The following GDPD4 variants were observed in gnomAD, a reference collection of about 807,000 sequenced individuals.
The protein encoded by GDPD4 is glycerophosphodiester phosphodiesterase domain containing 4.
Under a neutral mutation model 67.8 loss-of-function variants are expected in GDPD4, and 60 were observed. That is an observed-to-expected ratio of 0.88 (90% CI 0.72 to 1.10). The LOEUF (loss-of-function observed/expected upper bound fraction) is 1.10, where lower values mean the gene tolerates loss of function less well. Among genes scored for constraint, GDPD4 ranks in the 50% least tolerant of loss-of-function variants. The pLI, the probability that GDPD4 is intolerant of heterozygous loss-of-function variation, is 0.00. For missense variants in GDPD4, 623 were observed against 613.9 expected, an observed-to-expected ratio of 1.01 and a Z score of -0.16; for synonymous variants, 212 against 210.9, an observed-to-expected ratio of 1.00 and a Z score of -0.04.
In GDPD4 at chr11:77,225,540, A is replaced by G. The variant is rs115286774; in HGVS notation, c.1525+2324T>C. On this transcript the variant is annotated intron_variant, in intron 16 of 16. Coordinates refer to ENST00000315938, the MANE Select transcript of GDPD4 (RefSeq NM_182833.3). ...GCACGCACACGCACGAAGTTAAGCC[A>G]TAATCAAACTACTAAAAACCAATAA... 8.4e-3 allele frequency among the ~76,000 whole-genome samples: 1,284 copies of G among 152,306 alleles called. 29 individuals are homozygous for G. Among genetic ancestry groups the G allele is most frequent in the African/African-American group, 0.029 (1,222 of 41,542 alleles).
In GDPD4 at chr11:77,243,618, TAAG is replaced by T. The variant is rs536496812; in HGVS notation, c.1241+73_1241+75del. 165 of 1,246,920 alleles carry T rather than the reference TAAG, an allele frequency of 1.3e-4. 1 individual carries two copies. The African/African-American group carries it at 2.4e-3, about 18-fold the overall frequency. 77.2% of individuals were successfully genotyped at this position (1,246,920 alleles called of 1,614,324 possible). ...AAATTCCGAGATGGAAAGGGGAAGT[TAAG>T]AAGTTTAATTAGAATGTGTATTTTG... On this transcript the variant is annotated intron_variant, in intron 13 of 16. Coordinates refer to ENST00000315938, the MANE Select transcript of GDPD4 (RefSeq NM_182833.3).
chr11:77,235,975 A>C (rs1958557485), intron 13 of GDPD4, among the ~76,000 whole-genome samples: 1 of 149,486 alleles, frequency 6.7e-6, no homozygotes, highest in South Asian at 2.1e-4. Flanking sequence ...CAAAAAAAAA[A>C]CAAAAAAAAA....
At chr11:77,227,325 T>G (rs1353859550) in intron 16 of GDPD4, among the ~76,000 whole-genome samples, 3 of 152,228 alleles carry the variant, frequency 2.0e-5, no homozygotes, top group Admixed American at 2.0e-4. Context: ...CCAGGACCGC[T>G]GAAGTTTTCT....
chr11:77,297,178 T>C (rs1190462712), intron 1 of GDPD4, among the ~76,000 whole-genome samples: 3 of 152,038 alleles, frequency 2.0e-5, no homozygotes, highest in South Asian at 2.1e-4. Context: ...AAAGCAAATA[T>C]TGGAAGATGT....
intron 1 of GDPD4, among the ~76,000 whole-genome samples, chr11:77,301,262 T>C (rs1325799444): frequency 6.6e-6 from 1 of 152,004 alleles, no homozygotes; most frequent in African/African-American, 2.4e-5. Context: ...TAAAATCGAT[T>C]CCTCCTGCAA....
At position 77,285,168 on chromosome 11, in the gene GDPD4, C is replaced by T. The variant is rs756937477; in HGVS notation, c.-31G>A. 1.3e-5 allele frequency: 20 copies of T among 1,568,506 alleles called. No homozygotes were observed. Among genetic ancestry groups the T allele is most frequent in the African/African-American group, 5.4e-5 (4 of 73,762 alleles). On this transcript the variant is annotated 5_prime_UTR_variant, in exon 3 of 17. In the 5' UTR this introduces an upstream ATG that the reference lacks. Transcript: ENST00000315938. ...ACAAGACAAATGAAATTACCAGGCACGGCAAAATAATTGCTCTTTCTGGGA... is the reference window on the plus strand; with the variant it reads ...ACAAGACAAATGAAATTACCAGGCATGGCAAAATAATTGCTCTTTCTGGGA...
At chr11:77,245,965 T>A (rs548890811) in intron 11 of GDPD4, among the ~76,000 whole-genome samples, 1 of 152,316 alleles carries the variant, frequency 6.6e-6, no homozygotes, top group Non-Finnish European at 1.5e-5. Context: ...AAATGCTATT[T>A]CCCTCATGAA....
intron 10 of GDPD4, among the ~76,000 whole-genome samples, chr11:77,260,098 C>T (rs112912220): frequency 0.013 from 1,911 of 151,984 alleles, 21 homozygotes; most frequent in Non-Finnish European, 0.014. Flanking sequence ...ATCATGAGGT[C>T]GAGATCAAGA....
At chr11:77,235,009 G>GTTTTTTGTTTTTTTTTT (rs1958524952) in intron 13 of GDPD4, among the ~76,000 whole-genome samples, 4 of 52,254 alleles carry the variant, frequency 7.7e-5, no homozygotes, top group Admixed American at 2.7e-4. Context: ...GTCAATATCT[G>GTTTTTTGTTTTTTTTTT]TTTTTTTTTT....
chr11:77,252,042 T>TTTTG (rs763642093), intron 11 of GDPD4, among the ~76,000 whole-genome samples: 2 of 91,294 alleles, frequency 2.2e-5, no homozygotes, highest in African/African-American at 8.9e-5. Context: ...ATTTGGGTTT[T>TTTTG]TTTGTTTGTT....
At chr11:77,297,972 G>A (rs1938031641) in intron 1 of GDPD4, among the ~76,000 whole-genome samples, 1 of 151,966 alleles carries the variant, frequency 6.6e-6, no homozygotes, top group Non-Finnish European at 1.5e-5. Flanking sequence ...CAATACACTA[G>A]GCAGCATGGA....
chr11:77,278,556 ATAATGAT>A (rs1294972755), intron 4 of GDPD4, among the ~76,000 whole-genome samples: 1 of 152,250 alleles, frequency 6.6e-6, no homozygotes, highest in Non-Finnish European at 1.5e-5. Context: ...TTCTGCTCAT[ATAATGAT>A]TAATAAGTTT....
At chr11:77,292,599 A>G (rs1382838407) in intron 1 of GDPD4, among the ~76,000 whole-genome samples, 2 of 152,192 alleles carry the variant, frequency 1.3e-5, no homozygotes, top group African/African-American at 2.4e-5. Context: ...ATTAGGAATA[A>G]TAACAATGGA....
At chr11:77,248,804 C>T (rs1161885094) in intron 11 of GDPD4, among the ~76,000 whole-genome samples, 2 of 151,550 alleles carry the variant, frequency 1.3e-5, no homozygotes, top group African/African-American at 2.4e-5. Flanking sequence ...TCACTACAAC[C>T]TCCACCTCCC....
chr11:77,224,683 G>A (rs1406057661), intron 16 of GDPD4, among the ~76,000 whole-genome samples: 1 of 152,192 alleles, frequency 6.6e-6, no homozygotes, highest in Non-Finnish European at 1.5e-5. Flanking sequence ...AAATAAGATT[G>A]TAGCCCCAAT....
chr11:77,294,319 C>A (rs1937878928), intron 1 of GDPD4, among the ~76,000 whole-genome samples: 1 of 152,112 alleles, frequency 6.6e-6, no homozygotes, highest in African/African-American at 2.4e-5. Context: ...TTCTGTAAAT[C>A]TAAAATTATT....
At chr11:77,229,344 A>G in intron 14 of GDPD4, 112 bp from the exon 15 acceptor site, 1 of 633,920 alleles carries the variant, frequency 1.6e-6, no homozygotes, top group South Asian at 2.3e-5. Flanking sequence ...GGAAGAGGGG[A>G]TAGACAGGCC....
chr11:77,243,841 CA>C lies in GDPD4; in HGVS notation c.1093del (p.Trp365GlyfsTer23), dbSNP rs1441359221. On this transcript the variant is annotated frameshift_variant, in exon 13 of 17. Coordinates refer to ENST00000315938, the MANE Select transcript of GDPD4 (RefSeq NM_182833.3). LOFTEE classifies it high-confidence loss of function. ...ASKIEQHLIFWLPAHDRQYVR... is the reference protein window; with the variant it reads ...ASKIEQHLIFXLPAHDRQYVR... Reference sequence around the variant, plus strand: ...GTATTGCCTATCATGAGCTGGCAACCAAAAAATCTCTAAGGAGAAACAAGAA... The same window carrying C: ...GTATTGCCTATCATGAGCTGGCAACCAAAAATCTCTAAGGAGAAACAAGAA... 2 of 1,610,318 alleles carry C rather than the reference CA, an allele frequency of 1.2e-6. No individual in the cohort carries two copies. The highest frequency in any genetic ancestry group is 1.7e-6 in the Non-Finnish European group (2 of 1,178,370).
rs1958129728 is a variant in GDPD4 at position 77,216,840 on chromosome 11, T to C, written c.*437A>G. 1.6e-6 allele frequency: 1 copy of C among 625,780 alleles called. No homozygotes were observed. The allele number at this position is 625,780 out of a possible 1,614,324, so 38.8% of individuals were successfully genotyped here. On this transcript the variant is annotated 3_prime_UTR_variant, in exon 17 of 17. Coordinates refer to ENST00000315938, the MANE Select transcript of GDPD4 (RefSeq NM_182833.3). ...AGGGGAGATGTGGCTAATTCTTCTTTGGAAACACAGAAGGCTATGTCAGAT... is the reference window on the plus strand; with the variant it reads ...AGGGGAGATGTGGCTAATTCTTCTTCGGAAACACAGAAGGCTATGTCAGAT...
Sources: allele counts gnomAD v4.1 joint callset (sites outside exome capture counted in the v4.1 genomes callset), GRCh38; gene constraint gnomAD v4.1.1; transcripts MANE v1.5; gene names NCBI Gene and HGNC (gene_info 2026-07-23, HGNC 2026-07-21).